Variants in EPN2 observed in about 807,000 individuals in gnomAD.
EPN2 encodes epsin-2.
In EPN2, 34 loss-of-function variants were observed where a neutral mutation model predicts 61.7. The ratio of observed to expected loss-of-function variants is 0.55; its 90% CI spans 0.42 to 0.73. EPN2 has a LOEUF of 0.73. Ranked by LOEUF, EPN2 falls within the 30% of genes least tolerant of loss-of-function variation. The pLI is 0.00. For synonymous variants in EPN2, 349 were observed against 353.6 expected, an observed-to-expected ratio of 0.99 and a Z score of 0.15; for missense variants, 714 against 839.2, an observed-to-expected ratio of 0.85 and a Z score of 1.84.
rs545069057 is a variant in EPN2 at position 19,300,027 on chromosome 17, A to C, written c.767-9858A>C. ...CCCACTTGGGCAGATGGCCGGCTGG[A>C]AGCAGTTGAACGGATTAGAACATGC... On this transcript the variant is annotated intron_variant, in intron 4 of 10. Coordinates refer to ENST00000314728, the MANE Select transcript of EPN2 (RefSeq NM_014964.5). 1.1e-4 allele frequency among the ~76,000 whole-genome samples: 17 copies of C among 152,350 alleles called. No individual in the cohort carries two copies. The East Asian group carries it at 3.1e-3, about 28-fold the overall frequency.
At chr17:19,307,628 C>T (rs879342946) in intron 4 of EPN2, among the ~76,000 whole-genome samples, 1 of 152,240 alleles carries the variant, frequency 6.6e-6, no homozygotes, top group Admixed American at 6.5e-5. Flanking sequence ...CAGGCGTGAG[C>T]CACTGTGCCC....
At chr17:19,315,539 T>G (rs1465319644) in intron 7 of EPN2, among the ~76,000 whole-genome samples, 1 of 151,718 alleles carries the variant, frequency 6.6e-6, no homozygotes. Context: ...CAGGCTGGAG[T>G]GCAGTGGCAC....
chr17:19,241,064 C>T (rs2044879544), intron 1 of EPN2, among the ~76,000 whole-genome samples: 1 of 152,070 alleles, frequency 6.6e-6, no homozygotes, highest in Non-Finnish European at 1.5e-5. Context: ...GGTCGCGCAG[C>T]CAGTAAGTGA....
At chr17:19,254,315 G>A (rs2045049928) in intron 1 of EPN2, among the ~76,000 whole-genome samples, 1 of 152,010 alleles carries the variant, frequency 6.6e-6, no homozygotes, top group Admixed American at 6.5e-5. Context: ...GCCAAGGCCG[G>A]TGGATTACTT....
At chr17:19,264,081 T>A (rs532101101) in intron 1 of EPN2, among the ~76,000 whole-genome samples, 7 of 152,186 alleles carry the variant, frequency 4.6e-5, no homozygotes, top group African/African-American at 1.7e-4. Context: ...AACGCGCCCC[T>A]TTATTATTAT....
rs370329635 is a variant in EPN2, at chr17:19,312,002, T to C, written c.880-50T>C. On this transcript the variant is annotated intron_variant, in intron 5 of 10. Transcript: ENST00000314728. Reference sequence around the variant, plus strand: ...CTGTTTCTGGCCAGTGTGGCTTTGTTCTGTACAGTGATGTTATTACAATTA... The same window carrying C: ...CTGTTTCTGGCCAGTGTGGCTTTGTCCTGTACAGTGATGTTATTACAATTA... 7 of 1,250,428 alleles carry C rather than the reference T, an allele frequency of 5.6e-6. No homozygotes were observed. In the African/African-American group the frequency reaches 1.0e-4, roughly 18 times the overall value. The allele number at this position is 1,250,428 out of a possible 1,614,324, so 77.5% of individuals were successfully genotyped here.
chr17:19,308,715 C>G, intron 4 of EPN2: 1 of 981,264 alleles, frequency 1.0e-6, no homozygotes, highest in Non-Finnish European at 1.2e-6. Flanking sequence ...AGGTCTTGTT[C>G]TGAGAGTTTT....
At chr17:19,311,591 TAGGAATC>T (rs1322331818) in intron 5 of EPN2, among the ~76,000 whole-genome samples, 6 of 152,180 alleles carry the variant, frequency 3.9e-5, no homozygotes, top group Non-Finnish European at 8.8e-5. Flanking sequence ...TCATTTCTGT[TAGGAATC>T]ATAGAAATAT....
rs2045115642 is a variant in EPN2, at chr17:19,259,394, G to T, written c.-294+21863G>T. 2.1e-5 allele frequency among the ~76,000 whole-genome samples: 3 copies of T among 140,840 alleles called. No homozygotes were observed. The Admixed American group carries it at 2.3e-4, about 11-fold the overall frequency. The allele number at this position is 140,840 out of a possible 152,430, so 92.4% of individuals were successfully genotyped here. A position where few individuals can be genotyped will look rare whatever the true frequency, so the allele number is the denominator to read the frequency against. On this transcript the variant is annotated intron_variant, in intron 1 of 10. Coordinates refer to ENST00000314728, the MANE Select transcript of EPN2 (RefSeq NM_014964.5). ...GTGGCACGATCTCGGCTCACTGCAA[G>T]CTCCACCTCCCGGGTTCACACCATT... is the stretch of plus-strand genomic sequence containing the variant.
In EPN2 at chr17:19,261,690, G is replaced by A. The variant is rs544289452; in HGVS notation, c.-293-20265G>A. Among the ~76,000 whole-genome samples the A allele has an allele frequency of 6.6e-5, 10 of 152,308 alleles. No individual in the cohort carries two copies. The South Asian group carries it at 2.1e-3, about 32-fold the overall frequency. On this transcript the variant is annotated intron_variant, in intron 1 of 10. Transcript: ENST00000314728. ...ATTTTCGGTATGAACTTATGATAGC[G>A]TGGATGTGTTTGAGGTGTATCAGGA...
At chr17:19,326,555 T>C (rs775499266) in intron 7 of EPN2, among the ~76,000 whole-genome samples, 11 of 151,626 alleles carry the variant, frequency 7.3e-5, no homozygotes, top group Non-Finnish European at 1.2e-4. Flanking sequence ...GGTGTGGTGG[T>C]GGGTGCCTGT....
At chr17:19,258,289 CACTT>C (rs543445195) in intron 1 of EPN2, among the ~76,000 whole-genome samples, 96 of 152,264 alleles carry the variant, frequency 6.3e-4, no homozygotes, top group African/African-American at 2.0e-3. Context: ...GGGGCAGAAA[CACTT>C]ACTGCTCTCT....
chr17:19,275,868 A>C (rs1329043956), intron 1 of EPN2, among the ~76,000 whole-genome samples: 2 of 152,206 alleles, frequency 1.3e-5, no homozygotes, highest in African/African-American at 4.8e-5. Context: ...ATGGCTTTTT[A>C]CGTGGAGGCT....
intron 4 of EPN2, among the ~76,000 whole-genome samples, chr17:19,295,430 G>A (rs575013805): frequency 1.1e-4 from 16 of 152,010 alleles, no homozygotes; most frequent in Non-Finnish European, 2.2e-4. Context: ...TACCTGGGAG[G>A]CTGAGGCAGG....
chr17:19,332,979 AC>A (rs1485019843), intron 10 of EPN2, among the ~76,000 whole-genome samples: 10 of 152,192 alleles, frequency 6.6e-5, no homozygotes, highest in African/African-American at 9.7e-5. Flanking sequence ...CACTGAACTT[AC>A]AGAGGCTGAG....
intron 4 of EPN2, among the ~76,000 whole-genome samples, chr17:19,291,171 C>G (rs2045460711): frequency 1.3e-5 from 2 of 152,218 alleles, no homozygotes; most frequent in Admixed American, 1.3e-4. Flanking sequence ...GGATTGTATA[C>G]AGTGGCTAGA....
At chr17:19,292,453 G>A (rs2045474746) in intron 4 of EPN2, among the ~76,000 whole-genome samples, 1 of 152,230 alleles carries the variant, frequency 6.6e-6, no homozygotes, top group East Asian at 1.9e-4. Context: ...AGTCAGGGGA[G>A]CCCTGCATCT....
rs1049453771 is a variant in EPN2 at position 19,282,058 on chromosome 17, G to A, written c.-190G>A. ...TGGACAGGAGCCTCATATCAGAGAC[G>A]TGGACCTCACTGTAGCCTGGTAAGT... On this transcript the variant is annotated 5_prime_UTR_variant, in exon 2 of 11. In the 5' UTR this introduces an upstream ATG that the reference lacks. Coordinates refer to ENST00000314728, the MANE Select transcript of EPN2 (RefSeq NM_014964.5). 2.0e-5 allele frequency: 3 copies of A among 152,194 alleles called. No individual in the cohort carries two copies. The highest frequency in any genetic ancestry group is 2.9e-5 in the Non-Finnish European group (2 of 68,070). 9.4% of individuals were successfully genotyped at this position (152,194 alleles called of 1,614,324 possible). A position where few individuals can be genotyped will look rare whatever the true frequency, so the allele number is the denominator to read the frequency against.
intron 4 of EPN2, among the ~76,000 whole-genome samples, chr17:19,290,146 C>T (rs989552651): frequency 1.3e-5 from 2 of 152,176 alleles, no homozygotes; most frequent in Admixed American, 6.5e-5. Context: ...GTAGTCAGTG[C>T]TCAGGACAGT....
Sources: allele counts gnomAD v4.1 joint callset (sites outside exome capture counted in the v4.1 genomes callset), GRCh38; gene constraint gnomAD v4.1.1; transcripts MANE v1.5; gene names NCBI Gene and HGNC (gene_info 2026-07-23, HGNC 2026-07-21).